The following CPED1 variants were observed in gnomAD, a reference collection of about 807,000 sequenced individuals.
CPED1 encodes cadherin-like and PC-esterase domain-containing protein 1.
A neutral mutation model predicts 128.2 loss-of-function variants in CPED1; 114 were observed. That is an observed-to-expected ratio of 0.89 (90% confidence interval 0.76 to 1.04). The LOEUF (loss-of-function observed/expected upper bound fraction) is 1.04. CPED1 is among the 50% of genes least tolerant of loss of function. The pLI, the probability that CPED1 is intolerant of heterozygous loss-of-function variation, is 0.00. For synonymous variants in CPED1, 462 were observed against 426.7 expected (o/e 1.08, Z -1.02); for missense variants, 1,211 against 1,207.1 (o/e 1.00, Z -0.05).
At chr7:121,156,745 T>C (rs1244235933) in intron 16 of CPED1, among the ~76,000 whole-genome samples, 1 of 152,196 alleles carries the variant, frequency 6.6e-6, no homozygotes, top group Admixed American at 6.5e-5. Context: ...CTGAACTGTA[T>C]GCTTAAGAAT....
At chr7:121,294,603 T>A (rs1196117775) in intron 22 of CPED1, among the ~76,000 whole-genome samples, 1 of 151,944 alleles carries the variant, frequency 6.6e-6, no homozygotes, top group Non-Finnish European at 1.5e-5. Flanking sequence ...TGGAAAAGGG[T>A]GATTCAGAGG....
chr7:121,183,283 T>C (rs1240560236), intron 16 of CPED1, among the ~76,000 whole-genome samples: 1 of 152,166 alleles, frequency 6.6e-6, no homozygotes, highest in Non-Finnish European at 1.5e-5. Context: ...GCAATAAAAA[T>C]TCAAATTTTA....
At chr7:121,258,628 G>A (rs1791943632) in intron 18 of CPED1, among the ~76,000 whole-genome samples, 1 of 152,086 alleles carries the variant, frequency 6.6e-6, no homozygotes, top group Non-Finnish European at 1.5e-5. Context: ...AACAGACAAT[G>A]GAGTGCTAAG....
chr7:121,137,239 A>G (rs556655412), intron 14 of CPED1, among the ~76,000 whole-genome samples: 1 of 152,122 alleles, frequency 6.6e-6, no homozygotes, highest in Non-Finnish European at 1.5e-5. Context: ...TGGCACCATC[A>G]TAGCTCACTG....
At chr7:121,117,529 AT>A (rs965296882) in intron 7 of CPED1, among the ~76,000 whole-genome samples, 2 of 151,600 alleles carry the variant, frequency 1.3e-5, no homozygotes, top group East Asian at 1.9e-4. Context: ...TAAAAATCTG[AT>A]TTTTTTCCTT....
intron 7 of CPED1, among the ~76,000 whole-genome samples, chr7:121,122,943 C>T (rs1409940923): frequency 2.0e-5 from 3 of 152,044 alleles, no homozygotes; most frequent in Non-Finnish European, 4.4e-5. Flanking sequence ...CTGTGATATT[C>T]AGGTAACATT....
At chr7:121,237,566 A>G (rs1167253570) in intron 17 of CPED1, among the ~76,000 whole-genome samples, 1 of 152,098 alleles carries the variant, frequency 6.6e-6, no homozygotes, top group Admixed American at 6.6e-5. Flanking sequence ...TTCCCCAGCA[A>G]TCTTCTTTCA....
At chr7:121,206,982 A>G (rs984233128) in intron 16 of CPED1, among the ~76,000 whole-genome samples, 7 of 152,040 alleles carry the variant, frequency 4.6e-5, no homozygotes, top group Non-Finnish European at 7.4e-5. Context: ...GTATTTTAAA[A>G]TAAAAATGAA....
chr7:121,112,338 G>C (rs1264778874), intron 7 of CPED1, among the ~76,000 whole-genome samples: 1 of 152,122 alleles, frequency 6.6e-6, no homozygotes, highest in Non-Finnish European at 1.5e-5. Flanking sequence ...TAGGCCCTGT[G>C]CATGTCATTA....
rs544460019 is a variant in CPED1 at position 121,175,002 on chromosome 7, C to T, written c.2055+32861C>T. Reference sequence around the variant, plus strand: ...TGAAAATTGTGAATGCGATTGTGCTCCTGATTTGGCCCTCAGTTTGGCTGT... The same window carrying T: ...TGAAAATTGTGAATGCGATTGTGCTTCTGATTTGGCCCTCAGTTTGGCTGT... On this transcript the variant is annotated intron_variant, in intron 16 of 22. Transcript: ENST00000310396. 4.2e-3 allele frequency among the ~76,000 whole-genome samples: 632 copies of T among 152,120 alleles called. 1 individual carries two copies. Among genetic ancestry groups the T allele is most frequent in the Middle Eastern group, 6.8e-3 (2 of 294 alleles).
chr7:121,290,052 C>T (rs564862068), intron 22 of CPED1, among the ~76,000 whole-genome samples: 10 of 152,168 alleles, frequency 6.6e-5, no homozygotes, highest in African/African-American at 1.4e-4. Context: ...TGAGACCATG[C>T]GGTGTTTGGT....
intron 22 of CPED1, among the ~76,000 whole-genome samples, chr7:121,290,452 A>G (rs1161024912): frequency 6.6e-6 from 1 of 152,166 alleles, no homozygotes; most frequent in African/African-American, 2.4e-5. Flanking sequence ...ATTTCTCCAC[A>G]TCCTCTCCAG....
In CPED1 at chr7:121,269,093, C is replaced by A. The variant is rs567186172; in HGVS notation, c.2721+1791C>A. Among the ~76,000 whole-genome samples the A allele has an allele frequency of 3.2e-4, 48 of 152,098 alleles. No individual in the cohort carries two copies. In the South Asian group the frequency reaches 9.8e-3, roughly 31 times the overall value. ...GCACATAGAAGACCCTCAAAAAATACCTGGTATACAAGTAAGTGTAGCAAG... is the reference window on the plus strand; with the variant it reads ...GCACATAGAAGACCCTCAAAAAATAACTGGTATACAAGTAAGTGTAGCAAG... On this transcript the variant is annotated intron_variant, in intron 21 of 22. Transcript: ENST00000310396.
intron 5 of CPED1, among the ~76,000 whole-genome samples, chr7:121,081,946 C>T (rs1794305548): frequency 6.6e-6 from 1 of 152,130 alleles, no homozygotes; most frequent in African/African-American, 2.4e-5. Flanking sequence ...GCTGAGAGGG[C>T]CTTTTCATGG....
intron 2 of CPED1, among the ~76,000 whole-genome samples, chr7:120,996,133 T>A (rs528534814): frequency 6.1e-4 from 93 of 151,854 alleles, no homozygotes; most frequent in Middle Eastern, 3.4e-3. Flanking sequence ...TAAAAAAAAA[T>A]TAGCTGGGAT....
Position 121,140,857 on chromosome 7 carries a change from T to A in CPED1, c.1730T>A (p.Ile577Asn), listed in dbSNP as rs926847827. 10 of 1,612,432 alleles carry A rather than the reference T, an allele frequency of 6.2e-6. No homozygotes were observed. The highest frequency in any genetic ancestry group is 1.7e-5 in the Admixed American group (1 of 59,784). ...AACACACCATGTCATATCAAGCAGA[T>A]CTTCACACATCCACATTTGGAACTA... ...DENTPCHIKQ[I>N]FTHPHLELNP... Residue 577 changes from isoleucine (I) to asparagine (N), a missense_variant, in exon 15 of 23, where the codon ATC becomes AAC. Transcript: ENST00000310396.
rs150615292 is a variant in CPED1 at position 121,197,924 on chromosome 7, G to A, written c.2056-38790G>A. Among the ~76,000 whole-genome samples, 75 of 152,244 alleles carry A rather than the reference G, an allele frequency of 4.9e-4. No homozygotes were observed. In the East Asian group the frequency reaches 0.012, roughly 24 times the overall value. ...AGTAGATGAAACCAAATTGTAAACCGAAGAATCAGACTAGTAAGTGTGGCT... is the reference window on the plus strand; with the variant it reads ...AGTAGATGAAACCAAATTGTAAACCAAAGAATCAGACTAGTAAGTGTGGCT... On this transcript the variant is annotated intron_variant, in intron 16 of 22. Coordinates refer to ENST00000310396, the MANE Select transcript of CPED1 (RefSeq NM_024913.5).
chr7:121,014,526 G>T (rs370621675), intron 2 of CPED1, among the ~76,000 whole-genome samples: 4 of 149,126 alleles, frequency 2.7e-5, no homozygotes, highest in East Asian at 3.9e-4. Context: ...CTCCAGCCTG[G>T]GCGACAGAGC....
At chr7:121,071,487 A>G (rs1338037802) in intron 5 of CPED1, among the ~76,000 whole-genome samples, 2 of 151,934 alleles carry the variant, frequency 1.3e-5, no homozygotes, top group Non-Finnish European at 2.9e-5. Context: ...GGATTTTTCA[A>G]CATATCTTTG....
Sources: allele counts gnomAD v4.1 joint callset (sites outside exome capture counted in the v4.1 genomes callset), GRCh38; gene constraint gnomAD v4.1.1; transcripts MANE v1.5; gene names NCBI Gene and HGNC (gene_info 2026-07-23, HGNC 2026-07-21).